FRMD5: variants seen among roughly 807,000 people sequenced by gnomAD.
The protein encoded by FRMD5 is FERM domain-containing protein 5.
Under a neutral mutation model 69.0 loss-of-function variants are expected in FRMD5, and 20 were observed. The observed-to-expected ratio is 0.29, with a 90% confidence interval of 0.20 to 0.42. FRMD5 has a LOEUF of 0.42. Ranked by LOEUF, FRMD5 falls within the 10% of genes least tolerant of loss-of-function variation. The pLI is 1.00. For synonymous variants in FRMD5, 271 were observed against 260.1 expected, an observed-to-expected ratio of 1.04 and a Z score of -0.40; for missense variants, 595 against 708.6, an observed-to-expected ratio of 0.84 and a Z score of 1.82.
chr15:44,143,924 C>CAAAAAA (rs58823511), intron 1 of FRMD5, among the ~76,000 whole-genome samples: 41 of 92,622 alleles, frequency 4.4e-4, no homozygotes, highest in African/African-American at 1.1e-3. Context: ...ACTCTGTCAC[C>CAAAAAA]AAAAAAAAAA....
rs1385358851 is a variant in FRMD5, at chr15:44,139,264, GAACAGA to G, written c.102+55683_102+55688del. Among the ~76,000 whole-genome samples, 5 of 148,696 alleles carry G rather than the reference GAACAGA, an allele frequency of 3.4e-5. No homozygotes were observed. The South Asian group carries it at 8.5e-4, about 25-fold the overall frequency. On this transcript the variant is annotated intron_variant, in intron 1 of 13. Coordinates refer to ENST00000417257, the MANE Select transcript of FRMD5 (RefSeq NM_032892.5). ...AAAAACTTAGAAATAACAATTACAA[GAACAGA>G]AACACCATCTATAGCTCCCCCTCTC...
chr15:44,033,873 C>G (rs749795795), intron 1 of FRMD5, among the ~76,000 whole-genome samples: 1 of 152,118 alleles, frequency 6.6e-6, no homozygotes, highest in Admixed American at 6.6e-5. Context: ...TAAATAAGAT[C>G]ATTTATGTTT....
chr15:44,019,880 A>AT (rs1421370251), intron 1 of FRMD5, among the ~76,000 whole-genome samples: 1 of 151,864 alleles, frequency 6.6e-6, no homozygotes, highest in East Asian at 1.9e-4. Context: ...TAAATGTTGT[A>AT]TTTGTTATCA....
At chr15:44,041,699 G>T (rs529420174) in intron 1 of FRMD5, among the ~76,000 whole-genome samples, 22 of 152,274 alleles carry the variant, frequency 1.4e-4, no homozygotes, top group African/African-American at 5.3e-4. Context: ...ATAATGAAAT[G>T]AAGGCAGAAA....
chr15:43,901,372 C>T (rs1567219685), intron 7 of FRMD5, among the ~76,000 whole-genome samples: 1 of 152,178 alleles, frequency 6.6e-6, no homozygotes, highest in Non-Finnish European at 1.5e-5. Context: ...TATCCCCTCT[C>T]CAGTTAGGAA....
intron 1 of FRMD5, chr15:44,194,740 C>A: frequency 1.5e-6 from 1 of 653,836 alleles, no homozygotes; most frequent in Admixed American, 2.2e-5. Context: ...CGGAGACTCG[C>A]CCCGCGGCGG....
chr15:44,143,586 A>G (rs985655937), intron 1 of FRMD5, among the ~76,000 whole-genome samples: 17 of 151,166 alleles, frequency 1.1e-4, no homozygotes, highest in African/African-American at 3.9e-4. Flanking sequence ...ACATTTCCCA[A>G]CAAACTATAA....
intron 1 of FRMD5, among the ~76,000 whole-genome samples, chr15:44,182,665 C>A (rs752628356): frequency 1.3e-5 from 2 of 152,118 alleles, no homozygotes; most frequent in African/African-American, 4.8e-5. Context: ...AGAGCTAATA[C>A]TTTTATTCAT....
At chr15:44,090,028 T>G (rs1234218553) in intron 1 of FRMD5, among the ~76,000 whole-genome samples, 5 of 152,162 alleles carry the variant, frequency 3.3e-5, no homozygotes, top group Non-Finnish European at 5.9e-5. Flanking sequence ...CACACGTGCA[T>G]GCATGCTCAC....
intron 1 of FRMD5, among the ~76,000 whole-genome samples, chr15:44,152,674 G>A (rs1305252401): frequency 8.5e-5 from 13 of 152,138 alleles, no homozygotes; most frequent in African/African-American, 3.1e-4. Flanking sequence ...TACTGATATT[G>A]CACATCAATT....
At chr15:44,098,721 AAAG>A (rs1235322957) in intron 1 of FRMD5, among the ~76,000 whole-genome samples, 1 of 152,178 alleles carries the variant, frequency 6.6e-6, no homozygotes, top group Non-Finnish European at 1.5e-5. Flanking sequence ...GTTGTGACTT[AAAG>A]AAGACTCTAC....
intron 1 of FRMD5, among the ~76,000 whole-genome samples, chr15:44,150,727 G>T (rs1285642937): frequency 6.6e-6 from 1 of 151,952 alleles, no homozygotes; most frequent in African/African-American, 2.4e-5. Context: ...GGAACTCAAG[G>T]CTGCAGTGAG....
At chr15:44,045,819 C>T (rs753654296) in intron 1 of FRMD5, among the ~76,000 whole-genome samples, 1 of 152,168 alleles carries the variant, frequency 6.6e-6, no homozygotes, top group South Asian at 2.1e-4. Flanking sequence ...ATGAGAACAG[C>T]TGACTTTAAT....
chr15:44,122,360 C>T (rs908564767), intron 1 of FRMD5, among the ~76,000 whole-genome samples: 1 of 151,394 alleles, frequency 6.6e-6, no homozygotes, highest in Non-Finnish European at 1.5e-5. Flanking sequence ...GTCAGGAGTT[C>T]AAGACCAGCC....
chr15:44,065,090 A>C (rs1045640598), intron 1 of FRMD5, among the ~76,000 whole-genome samples: 2 of 152,240 alleles, frequency 1.3e-5, no homozygotes, highest in African/African-American at 4.8e-5. Context: ...CCACCTATGC[A>C]ATGTGTGACC....
At chr15:44,121,046 G>T (rs2076942543) in intron 1 of FRMD5, among the ~76,000 whole-genome samples, 1 of 151,968 alleles carries the variant, frequency 6.6e-6, no homozygotes, top group Admixed American at 6.6e-5. Flanking sequence ...AAAACACAGA[G>T]TGAGAAATGA....
chr15:44,101,842 T>C (rs577247832), intron 1 of FRMD5, among the ~76,000 whole-genome samples: 101 of 152,324 alleles, frequency 6.6e-4, no homozygotes, highest in African/African-American at 2.3e-3. Context: ...TGGGTGCTTT[T>C]CAAAAACACA....
At chr15:44,051,579 C>T (rs962273220) in intron 1 of FRMD5, among the ~76,000 whole-genome samples, 1 of 152,010 alleles carries the variant, frequency 6.6e-6, no homozygotes, top group Non-Finnish European at 1.5e-5. Context: ...AAAATCCATA[C>T]TTTATTCACA....
At chr15:43,905,373 G>A (rs1174612744) in intron 6 of FRMD5, among the ~76,000 whole-genome samples, 3 of 152,096 alleles carry the variant, frequency 2.0e-5, no homozygotes, top group Non-Finnish European at 4.4e-5. Flanking sequence ...CTGGCCTCAC[G>A]TGATCCACCT....
Sources: gnomAD v4.1 joint callset for allele counts (sites outside exome capture counted in the v4.1 genomes callset) on GRCh38, gnomAD v4.1.1 for gene constraint, MANE v1.5 for transcripts, NCBI Gene and HGNC (gene_info 2026-07-23, HGNC 2026-07-21) for gene names.